The following ATXN3 variants were observed in gnomAD, a reference collection of about 807,000 sequenced individuals.
The protein encoded by ATXN3 is ataxin 3.
In ATXN3, 28 loss-of-function variants were observed where a neutral mutation model predicts 58.2. The ratio of observed to expected loss-of-function variants is 0.48; its 90% CI spans 0.36 to 0.66. The LOEUF is 0.66. Among genes scored for constraint, ATXN3 ranks in the 30% least tolerant of loss-of-function variants. The pLI is 0.00. For synonymous variants in ATXN3, 113 were observed against 138.5 expected, an observed-to-expected ratio of 0.82 and a Z score of 1.29; for missense variants, 321 against 422.1, an observed-to-expected ratio of 0.76 and a Z score of 2.10.
intron 2 of ATXN3, chr14:92,047,848 A>C (rs2140161765): frequency 6.6e-6 from 1 of 152,284 alleles, no homozygotes; most frequent in South Asian, 2.1e-4. Context: ...AAAGAAGGTA[A>C]TGTGGAGTGG....
intron 10 of ATXN3, among the ~76,000 whole-genome samples, chr14:92,067,496 C>T (rs1199574908): frequency 6.6e-5 from 10 of 152,110 alleles, no homozygotes; most frequent in African/African-American, 2.4e-4. Flanking sequence ...TCCCAGGTTC[C>T]AGTGATTTTC....
At chr14:92,094,599 G>T (rs10220696) in intron 3 of ATXN3, among the ~76,000 whole-genome samples, 1 of 151,990 alleles carries the variant, frequency 6.6e-6, no homozygotes, top group Non-Finnish European at 1.5e-5. Context: ...TGGGCTTGCC[G>T]CTTGTAGAAA....
chr14:92,051,718 CTTTTTTTTTTTTT>C (rs1160650510), upstream of ATXN3, among the ~76,000 whole-genome samples: 244 of 35,726 alleles, frequency 6.8e-3, 1 homozygote, highest in African/African-American at 0.026. Flanking sequence ...CTTTTCCTTT[CTTTTTTTTTTTTT>C]TTTTTTTTTT....
chr14:92,084,271 A>T (rs1036496647), intron 6 of ATXN3, among the ~76,000 whole-genome samples: 3 of 152,222 alleles, frequency 2.0e-5, no homozygotes, highest in Non-Finnish European at 1.5e-5. Flanking sequence ...GACACAGATA[A>T]TGTGTGCAAT....
intron 6 of ATXN3, among the ~76,000 whole-genome samples, chr14:92,086,266 A>G (rs1454767461): frequency 6.7e-6 from 1 of 149,892 alleles, no homozygotes; most frequent in Admixed American, 6.6e-5. Flanking sequence ...AAAAAAAAAA[A>G]AAAAATTTAG....
chr14:92,068,423 G>C (rs1413770262), intron 10 of ATXN3, among the ~76,000 whole-genome samples: 1 of 152,098 alleles, frequency 6.6e-6, no homozygotes, highest in Non-Finnish European at 1.5e-5. Flanking sequence ...GAGAGAGCAG[G>C]CTTTTCATGG....
intron 9 of ATXN3, chr14:92,077,489 GGTGC>G (rs2060617640): frequency 1.3e-5 from 2 of 152,202 alleles, no homozygotes; most frequent in African/African-American, 4.8e-5. Flanking sequence ...TGGGACTACA[GGTGC>G]CTGCCACCAC....
chr14:92,066,622 T>TTTTTAA (rs1566910464), intron 10 of ATXN3, among the ~76,000 whole-genome samples: 1 of 144,218 alleles, frequency 6.9e-6, no homozygotes, highest in South Asian at 2.2e-4. Flanking sequence ...TTTTTTTTTT[T>TTTTTAA]TTTGAGACAA....
chr14:92,069,222 C>G (rs1397439856), intron 10 of ATXN3, among the ~76,000 whole-genome samples: 1 of 146,982 alleles, frequency 6.8e-6, no homozygotes, highest in Admixed American at 6.9e-5. Flanking sequence ...AGGTGCCCAC[C>G]ACCATGCCCA....
intron 1 of ATXN3, among the ~76,000 whole-genome samples, chr14:92,097,226 CA>C (rs940801772): frequency 2.8e-5 from 4 of 142,240 alleles, no homozygotes; most frequent in African/African-American, 1.1e-4. Flanking sequence ...ATAATTTAAT[CA>C]TTAATTTTTT....
chr14:92,077,228 A>G, intron 9 of ATXN3, among the ~76,000 whole-genome samples: 1 of 152,236 alleles, frequency 6.6e-6, no homozygotes, highest in Non-Finnish European at 1.5e-5. Context: ...GCAGCCTGTT[A>G]CAAAGACTAT....
chr14:92,088,905 A>G (rs545350906), intron 5 of ATXN3, 88 bp from the exon 6 acceptor site: 4 of 727,678 alleles, frequency 5.5e-6, no homozygotes. Flanking sequence ...AACCCATCAA[A>G]GCTTAGTAAG....
At position 92,063,317 on chromosome 14, in the gene ATXN3, C is replaced by T. The variant is rs1273765772; in HGVS notation, c.*1003G>A. On this transcript the variant is annotated 3_prime_UTR_variant, in exon 11 of 11. Coordinates refer to ENST00000644486, the MANE Select transcript of ATXN3 (RefSeq NM_004993.6). ...ACTCAACTGTAAAGAGAACACAAAG[C>T]TCCAGTCATAGGAGAAAAAATAAAA... 6.6e-6 allele frequency: 1 copy of T among 152,294 alleles called. No individual in the cohort carries two copies. Among genetic ancestry groups the T allele is most frequent in the Non-Finnish European group, 1.5e-5 (1 of 68,032 alleles). The allele number at this position is 152,294 out of a possible 1,614,324, so 9.4% of individuals were successfully genotyped here. A position where few individuals can be genotyped will look rare whatever the true frequency, so the allele number is the denominator to read the frequency against.
chr14:92,062,760 A>G lies in ATXN3; in HGVS notation c.*1560T>C, dbSNP rs981751505. 1 of 152,686 alleles carries G rather than the reference A, an allele frequency of 6.5e-6. No homozygotes were observed. The highest frequency in any genetic ancestry group is 1.5e-5 in the Non-Finnish European group (1 of 68,042). The allele number at this position is 152,686 out of a possible 1,614,324, so 9.5% of individuals were successfully genotyped here. On this transcript the variant is annotated 3_prime_UTR_variant, in exon 11 of 11. Transcript: ENST00000644486. ...TCGAAGAAAAAGCTATTTTATAATC[A>G]TAAATAAAAGATATTTTTTCTTCTC...
intron 2 of ATXN3, 72 bp downstream of exon 2, chr14:92,096,602 C>T (rs2065307585): frequency 2.1e-6 from 3 of 1,441,910 alleles, no homozygotes; most frequent in Admixed American, 2.1e-5. Flanking sequence ...CCAGCATGGG[C>T]AACAGGGCGA....
chr14:92,052,018 G>C (rs2057450508), upstream of ATXN3, among the ~76,000 whole-genome samples: 1 of 151,268 alleles, frequency 6.6e-6, no homozygotes, highest in South Asian at 2.1e-4. Flanking sequence ...ACCGCACCCA[G>C]CCTCTTTCAA....
intron 6 of ATXN3, among the ~76,000 whole-genome samples, chr14:92,086,032 T>C (rs2062412838): frequency 6.6e-6 from 1 of 152,082 alleles, no homozygotes; most frequent in Admixed American, 6.5e-5. Flanking sequence ...CCTATATTCC[T>C]AAATGTGAAT....
intron 9 of ATXN3, chr14:92,071,521 G>A (rs911589563): frequency 7.2e-5 from 24 of 332,756 alleles, no homozygotes; most frequent in Non-Finnish European, 1.3e-4. Context: ...CACTTGAACC[G>A]GGGAGGTAGA....
intron 6 of ATXN3, among the ~76,000 whole-genome samples, chr14:92,085,904 C>T (rs747666819): frequency 2.6e-5 from 4 of 152,140 alleles, no homozygotes; most frequent in Non-Finnish European, 5.9e-5. Context: ...AAAACCACAG[C>T]ATGGTGGGCT....
Sources: allele counts gnomAD v4.1 joint callset (sites outside exome capture counted in the v4.1 genomes callset), GRCh38; gene constraint gnomAD v4.1.1; transcripts MANE v1.5; gene names NCBI Gene and HGNC (gene_info 2026-07-23, HGNC 2026-07-21).